Variants in PCDHA2 observed in about 807,000 individuals in gnomAD.
The protein encoded by PCDHA2 is protocadherin alpha-2.
Under a neutral mutation model 66.0 loss-of-function variants are expected in PCDHA2, and 58 were observed. The observed-to-expected ratio is 0.88, with a 90% CI of 0.71 to 1.09. The LOEUF (loss-of-function observed/expected upper bound fraction) is 1.09. PCDHA2 is among the 50% of genes least tolerant of loss of function. PCDHA2 has a pLI of 0.00. For missense variants in PCDHA2, 1,267 were observed against 1,242.3 expected (o/e 1.02, Z -0.30); for synonymous variants, 634 against 554.0 (o/e 1.14, Z -2.03).
At chr5:140,967,456 G>C in intron 1 of PCDHA2, 1 of 1,613,598 alleles carries the variant, frequency 6.2e-7, no homozygotes, top group Non-Finnish European at 8.5e-7. Context: ...TCACAGCCGT[G>C]GATGGGGGCA....
rs1762077671 is a variant in PCDHA2 at position 140,796,398 on chromosome 5, A to T, written c.1434A>T (p.Ser478=). 2 of 1,613,894 alleles carry T rather than the reference A, an allele frequency of 1.2e-6. No individual in the cohort carries two copies. Among genetic ancestry groups the T allele is most frequent in the Non-Finnish European group, 1.7e-6 (2 of 1,179,952 alleles). ...NPPGCHIFTV[S]AWDADAQENA... ...CGGGCTGCCACATCTTCACGGTGTC[A>T]GCGTGGGATGCGGACGCGCAGGAGA... Residue 478 remains serine (S), a synonymous_variant, in exon 1 of 4, where the codon TCA becomes TCT. Coordinates refer to ENST00000526136, the MANE Select transcript of PCDHA2 (RefSeq NM_018905.3).
rs782166134 is a variant in PCDHA2 at position 140,929,299 on chromosome 5, G to C, written c.2389-49650G>C. Reference sequence around the variant, plus strand: ...CTGTATTCAGATTCGGAATAGGAAAGGGGATCACGCTAATGTCAATGCCAT... The same window carrying C: ...CTGTATTCAGATTCGGAATAGGAAACGGGATCACGCTAATGTCAATGCCAT... On this transcript the variant is annotated intron_variant, in intron 1 of 3. Coordinates refer to ENST00000526136, the MANE Select transcript of PCDHA2 (RefSeq NM_018905.3). 1.2e-5 allele frequency: 19 copies of C among 1,590,714 alleles called. No individual in the cohort carries two copies. The highest frequency in any genetic ancestry group is 1.6e-5 in the Non-Finnish European group (19 of 1,164,870).
In PCDHA2 at chr5:140,875,509, C is replaced by A. The variant is rs1554167713; in HGVS notation, c.2388+78157C>A. On this transcript the variant is annotated intron_variant, in intron 1 of 3. Coordinates refer to ENST00000526136, the MANE Select transcript of PCDHA2 (RefSeq NM_018905.3). The stretch of plus-strand genomic sequence containing the variant: ...CGGACCAAGAGGCCCGGGATCCCAG[C>A]GTCTGCTGCTCTCGCTTCTGCTCCT... 3.7e-6 allele frequency: 6 copies of A among 1,613,576 alleles called. No individual in the cohort carries two copies. The Admixed American group carries it at 6.7e-5, about 18-fold the overall frequency.
At chr5:140,848,291 G>A (rs2150408103) in intron 1 of PCDHA2, 336,332 of 624,962 alleles carry the variant, frequency 0.54, 101,055 homozygotes, top group South Asian at 0.62. Context: ...TACACTTTGG[G>A]CCACGTGATG....
rs575540619 is a variant in PCDHA2 at position 140,959,917 on chromosome 5, T to A, written c.2389-19032T>A. ...TTTATATCAGAAAAATCAAAGCCATTTGTAAAGCCCCATTACTTAGGCAGA... is the reference window on the plus strand; with the variant it reads ...TTTATATCAGAAAAATCAAAGCCATATGTAAAGCCCCATTACTTAGGCAGA... On this transcript the variant is annotated intron_variant, in intron 1 of 3. Transcript: ENST00000526136. 3.3e-5 allele frequency among the ~76,000 whole-genome samples: 5 copies of A among 152,296 alleles called. No homozygotes were observed. The East Asian group carries it at 9.6e-4, about 29-fold the overall frequency.
chr5:140,883,251 T>C, intron 1 of PCDHA2: 1 of 1,614,086 alleles, frequency 6.2e-7, no homozygotes, highest in Non-Finnish European at 8.5e-7. Flanking sequence ...AAAGGAAATA[T>C]TCCAATGGCG....
chr5:140,990,649 T>C (rs1465284882), intron 3 of PCDHA2, among the ~76,000 whole-genome samples: 1 of 152,212 alleles, frequency 6.6e-6, no homozygotes, highest in African/African-American at 2.4e-5. Context: ...TCAGCCAGTA[T>C]GAATGATTTA....
At chr5:140,877,276 G>T (rs1038142877) in intron 1 of PCDHA2, 4 of 1,613,744 alleles carry the variant, frequency 2.5e-6, no homozygotes, top group Admixed American at 1.7e-5. Flanking sequence ...CGCTGACTCC[G>T]GCTATAACGC....
intron 1 of PCDHA2, among the ~76,000 whole-genome samples, chr5:140,800,501 T>C (rs1581637345): frequency 6.6e-6 from 1 of 152,214 alleles, no homozygotes; most frequent in South Asian, 2.1e-4. Context: ...TTTAAATACT[T>C]CAACATCTCA....
chr5:140,971,067 G>A (rs1270982335), intron 1 of PCDHA2, among the ~76,000 whole-genome samples: 1 of 152,204 alleles, frequency 6.6e-6, no homozygotes, highest in Non-Finnish European at 1.5e-5. Flanking sequence ...TAAGGTTGCT[G>A]TAGACATTTG....
chr5:140,859,198 T>C lies in PCDHA2; in HGVS notation c.2388+61846T>C, dbSNP rs1554152210. 2.0e-5 allele frequency: 3 copies of C among 149,984 alleles called. 1 individual carries two copies. The highest frequency in any genetic ancestry group is 7.3e-5 in the African/African-American group (3 of 40,916). The allele number at this position is 149,984 out of a possible 1,614,324, so 9.3% of individuals were successfully genotyped here. A position where few individuals can be genotyped will look rare whatever the true frequency, so the allele number is the denominator to read the frequency against. ...CAGCATTAGGCATTGCTTATGATAT[T>C]CAGGTATTAGCTCTTTCACTTTAAG... On this transcript the variant is annotated intron_variant, in intron 1 of 3. Coordinates refer to ENST00000526136, the MANE Select transcript of PCDHA2 (RefSeq NM_018905.3).
chr5:140,856,138 C>T (rs1463600919), intron 1 of PCDHA2: 4 of 1,598,158 alleles, frequency 2.5e-6, no homozygotes, highest in East Asian at 4.5e-5. Flanking sequence ...GCGGCCAGCT[C>T]CACTACTCAG....
At position 140,914,538 on chromosome 5, in the gene PCDHA2, T is replaced by C. The variant is rs1393710886; in HGVS notation, c.2389-64411T>C. ...TTTTTTCATCCATTCAGCCACTTTA[T>C]TTCTTTTTATTGGAGAGTTTAGTCC... is the stretch of plus-strand genomic sequence containing the variant. On this transcript the variant is annotated intron_variant, in intron 1 of 3. Transcript: ENST00000526136. 2.0e-5 allele frequency among the ~76,000 whole-genome samples: 3 copies of C among 152,198 alleles called. No individual in the cohort carries two copies. The East Asian group carries it at 5.8e-4, about 29-fold the overall frequency.
In PCDHA2 at chr5:140,824,269, A is replaced by C. The variant is rs2150133814; in HGVS notation, c.2388+26917A>C. On this transcript the variant is annotated intron_variant, in intron 1 of 3. Coordinates refer to ENST00000526136, the MANE Select transcript of PCDHA2 (RefSeq NM_018905.3). ...ACACAATTATTGCACTAATTCATGTATTATATGCTTTTTATGAGGCTTTTC... is the reference window on the plus strand; with the variant it reads ...ACACAATTATTGCACTAATTCATGTCTTATATGCTTTTTATGAGGCTTTTC... 2.5e-6 allele frequency: 3 copies of C among 1,222,710 alleles called. No individual in the cohort carries two copies. The South Asian group carries it at 4.2e-5, about 17-fold the overall frequency. The allele number at this position is 1,222,710 out of a possible 1,614,324, so 75.7% of individuals were successfully genotyped here.
intron 1 of PCDHA2, chr5:140,830,609 TTTTA>T: frequency 4.9e-6 from 3 of 615,770 alleles, no homozygotes; most frequent in Admixed American, 3.9e-5. Flanking sequence ...CATATTTTCA[TTTTA>T]TTGTGTTTCT....
intron 1 of PCDHA2, among the ~76,000 whole-genome samples, chr5:140,918,556 G>A (rs1584104800): frequency 2.0e-5 from 3 of 152,302 alleles, no homozygotes; most frequent in Non-Finnish European, 4.4e-5. Context: ...CAATTGAGAA[G>A]AATGTATATT....
chr5:140,863,136 G>A (rs1554157813), intron 1 of PCDHA2: 5 of 603,754 alleles, frequency 8.3e-6, no homozygotes, highest in South Asian at 5.5e-5. Context: ...ACCGCCTGCT[G>A]GTGCTGGTGA....
At chr5:140,884,523 A>T (rs1393275293) in intron 1 of PCDHA2, 1 of 1,614,030 alleles carries the variant, frequency 6.2e-7, no homozygotes, top group Non-Finnish European at 8.5e-7. Flanking sequence ...TCGTACTCGC[A>T]GCAGAGGCGG....
chr5:140,868,063 C>T (rs1554161737), intron 1 of PCDHA2: 1 of 151,920 alleles, frequency 6.6e-6, no homozygotes, highest in African/African-American at 2.4e-5. Context: ...CAAAGATGTT[C>T]AGGGTGATTT....
Sources: gnomAD v4.1 joint callset for allele counts (sites outside exome capture counted in the v4.1 genomes callset) on GRCh38, gnomAD v4.1.1 for gene constraint, MANE v1.5 for transcripts, NCBI Gene and HGNC (gene_info 2026-07-23, HGNC 2026-07-21) for gene names.